AKAIN1: variants seen among roughly 807,000 people sequenced by gnomAD.
AKAIN1 encodes A-kinase anchor inhibitor 1, also known as A-kinase anchor protein inhibitor 1.
Under a neutral mutation model 3.7 loss-of-function variants are expected in AKAIN1, and 3 were observed. The observed-to-expected ratio is 0.82, with a 90% CI of 0.37 to 2.12. The LOEUF is 2.12. Ranked by LOEUF, AKAIN1 falls within the 30% of genes most tolerant of loss-of-function variation. The probability of loss-of-function intolerance (pLI) is 0.06; values close to 1 mark genes in which losing one functional copy is unlikely to be tolerated. For missense variants in AKAIN1, 82 were observed against 82.7 expected, an observed-to-expected ratio of 0.99 and a Z score of 0.03; for synonymous variants, 31 against 30.8, an observed-to-expected ratio of 1.01 and a Z score of -0.02.
chr18:5,145,720 G>T lies in AKAIN1; in HGVS notation c.52C>A (p.Leu18Met), dbSNP rs1358265515. The T allele has an allele frequency of 6.4e-7, 1 of 1,551,320 alleles. No individual in the cohort carries two copies. Among genetic ancestry groups the T allele is most frequent in the East Asian group, 2.4e-5 (1 of 40,936 alleles). The part of the protein sequence containing the change: ...KPGNEPEEVK[L>M]QNASKQIVQN... ...ACAATCTGTTTGCTGGCATTCTGCA[G>T]CTTCACCTCTTCAGGCTCATTTCCA... The change falls in exon 2 of 2, where the codon CTG (leucine) becomes ATG (methionine). Residue 18 changes from leucine (L) to methionine (M), a missense_variant. Transcript: ENST00000434239.
rs117242110 is a variant in AKAIN1, at chr18:5,187,098, A to C, written c.16+9940T>G. On this transcript the variant is annotated intron_variant, in intron 1 of 1. Transcript: ENST00000434239. ...TTATTTTAGAAAACAGAATGATCTA[A>C]TATAAACAATATAAGTTTTGTCTTA... Among the ~76,000 whole-genome samples the C allele has an allele frequency of 2.9e-3, 434 of 152,278 alleles. 2 individuals carry two copies. The highest frequency in any genetic ancestry group is 0.014 in the Middle Eastern group (4 of 294).
Position 5,197,030 on chromosome 18 carries a change from C to A in AKAIN1, c.16+8G>T. On this transcript the variant is annotated splice_region_variant and intron_variant, in intron 1 of 1. Transcript: ENST00000434239. This position sits in a 1 kb window ranked among gnomAD's most constrained non-coding sequence, Gnocchi z 6.9. Reference sequence around the variant, plus strand: ...AGACACTTGGTGAAAAAGCAAGGTGCGGTGTACCTGGAGCGAACACCATGA... The same window carrying A: ...AGACACTTGGTGAAAAAGCAAGGTGAGGTGTACCTGGAGCGAACACCATGA... The A allele has an allele frequency of 6.5e-7, 1 of 1,548,874 alleles. No individual in the cohort carries two copies. Among genetic ancestry groups the A allele is most frequent in the East Asian group, 2.4e-5 (1 of 40,874 alleles).
Position 5,145,593 on chromosome 18 carries a change from C to T in AKAIN1, c.179G>A (p.Gly60Glu), listed in dbSNP as rs929178332. The change falls in exon 2 of 2, where the codon GGG becomes GAG. Residue 60 changes from glycine to glutamate, a missense_variant. Coordinates refer to ENST00000434239, the MANE Select transcript of AKAIN1 (RefSeq NM_001145194.2). ...DNRDHIQLGV[G>E]ELTKKHEKK ...CTTTTCGTGCTTCTTGGTTAACTCC[C>T]CAACGCCCAGTTGGATGTGGTCCCG... The T allele has an allele frequency of 3.2e-6, 5 of 1,551,578 alleles. No homozygotes were observed. Among genetic ancestry groups the T allele is most frequent in the African/African-American group, 1.4e-5 (1 of 73,154 alleles).
intron 1 of AKAIN1, among the ~76,000 whole-genome samples, chr18:5,158,944 G>A (rs2071123568): frequency 6.6e-6 from 1 of 152,130 alleles, no homozygotes; most frequent in Non-Finnish European, 1.5e-5. Flanking sequence ...ATGAGAATAC[G>A]AGTCAACACT....
intron 1 of AKAIN1, among the ~76,000 whole-genome samples, chr18:5,189,184 C>A (rs915268152): frequency 2.0e-5 from 3 of 152,108 alleles, no homozygotes; most frequent in Non-Finnish European, 4.4e-5. Context: ...TCATCCCCAT[C>A]CCCCAAAACC....
At chr18:5,147,491 TC>T (rs1221410762) in intron 1 of AKAIN1, among the ~76,000 whole-genome samples, 1 of 152,196 alleles carries the variant, frequency 6.6e-6, no homozygotes, top group African/African-American at 2.4e-5. Flanking sequence ...TTTAAAATAA[TC>T]TTTTTGGATA....
chr18:5,168,330 A>G (rs976396847), intron 1 of AKAIN1, among the ~76,000 whole-genome samples: 5 of 152,112 alleles, frequency 3.3e-5, no homozygotes, highest in Non-Finnish European at 7.4e-5. Flanking sequence ...CTTAATAACC[A>G]GGACAGCCAA....
At chr18:5,176,488 C>T (rs2071227508) in intron 1 of AKAIN1, among the ~76,000 whole-genome samples, 1 of 151,960 alleles carries the variant, frequency 6.6e-6, no homozygotes, top group East Asian at 1.9e-4. Context: ...TAAAGACTGA[C>T]AGAACTTCAA....
chr18:5,151,118 C>A (rs1222840115), intron 1 of AKAIN1, among the ~76,000 whole-genome samples: 1 of 151,998 alleles, frequency 6.6e-6, no homozygotes, highest in Admixed American at 6.6e-5. Context: ...AGACAGGACT[C>A]CAGCACCACT....
chr18:5,175,441 T>A (rs1055037350), intron 1 of AKAIN1, among the ~76,000 whole-genome samples: 1 of 152,170 alleles, frequency 6.6e-6, no homozygotes, highest in East Asian at 1.9e-4. Context: ...GACCCTATCA[T>A]GTTCTTTCTT....
intron 1 of AKAIN1, among the ~76,000 whole-genome samples, chr18:5,158,862 A>G (rs2071123150): frequency 6.6e-6 from 1 of 152,204 alleles, no homozygotes; most frequent in Non-Finnish European, 1.5e-5. Flanking sequence ...TCACCTGAAC[A>G]AGCCTTGGTT....
At chr18:5,148,354 G>A (rs572085099) in intron 1 of AKAIN1, among the ~76,000 whole-genome samples, 2 of 152,178 alleles carry the variant, frequency 1.3e-5, no homozygotes, top group Non-Finnish European at 2.9e-5. Context: ...CCTGAGTGAA[G>A]CTGGTTAACC....
intron 1 of AKAIN1, among the ~76,000 whole-genome samples, chr18:5,150,903 T>C (rs552905246): frequency 1.3e-5 from 2 of 152,360 alleles, no homozygotes; most frequent in Non-Finnish European, 2.9e-5. Context: ...GTCATTTACT[T>C]CTTTTACATT....
chr18:5,166,589 T>C (rs1244694352), intron 1 of AKAIN1, among the ~76,000 whole-genome samples: 2 of 152,066 alleles, frequency 1.3e-5, no homozygotes, highest in East Asian at 3.9e-4. Flanking sequence ...CAATGATAAA[T>C]ATGCAGAAGA....
At chr18:5,172,899 C>A (rs1465635626) in intron 1 of AKAIN1, among the ~76,000 whole-genome samples, 1 of 151,754 alleles carries the variant, frequency 6.6e-6, no homozygotes, top group African/African-American at 2.4e-5. Context: ...AATTACACAC[C>A]TTTTGTTTTA....
intron 1 of AKAIN1, among the ~76,000 whole-genome samples, chr18:5,150,162 C>A (rs115368959): frequency 6.6e-6 from 1 of 152,198 alleles, no homozygotes; most frequent in East Asian, 1.9e-4. Flanking sequence ...AGTCTCTGTG[C>A]GGCATCACAC....
At chr18:5,165,201 T>C (rs1257110886) in intron 1 of AKAIN1, among the ~76,000 whole-genome samples, 2 of 151,910 alleles carry the variant, frequency 1.3e-5, no homozygotes, top group Non-Finnish European at 2.9e-5. Context: ...ATTGGAATGT[T>C]TCAACCTGCA....
intron 1 of AKAIN1, among the ~76,000 whole-genome samples, chr18:5,158,500 CTTCTTG>C (rs1674992296): frequency 1.3e-5 from 2 of 152,232 alleles, no homozygotes; most frequent in Non-Finnish European, 2.9e-5. Flanking sequence ...CATCTCCTAG[CTTCTTG>C]TTTTCTCCCT....
chr18:5,150,374 T>C (rs1468134971), intron 1 of AKAIN1, among the ~76,000 whole-genome samples: 3 of 152,226 alleles, frequency 2.0e-5, no homozygotes, highest in African/African-American at 7.2e-5. Context: ...ATGAATCACT[T>C]AGTGTCATAG....
Sources: allele counts gnomAD v4.1 joint callset (sites outside exome capture counted in the v4.1 genomes callset), GRCh38; gene constraint gnomAD v4.1.1; non-coding constraint Gnocchi (gnomAD v3.1); transcripts MANE v1.5; gene names NCBI Gene and HGNC (gene_info 2026-07-23, HGNC 2026-07-21).